The following MAPK14 variants were observed in gnomAD, a reference collection of about 807,000 sequenced individuals.
MAPK14 encodes CSAID-binding protein.
A neutral mutation model predicts 49.6 loss-of-function variants in MAPK14; 16 were observed. The ratio of observed to expected loss-of-function variants is 0.32; its 90% confidence interval spans 0.22 to 0.49. The LOEUF is 0.49. Among genes scored for constraint, MAPK14 ranks in the 20% least tolerant of loss-of-function variants. The pLI is 0.99. For missense variants in MAPK14, 200 were observed against 441.2 expected (o/e 0.45, Z 4.90); for synonymous variants, 142 against 158.0 (o/e 0.90, Z 0.76).
chr6:36,071,922 C>T (rs1041295953), intron 3 of MAPK14, among the ~76,000 whole-genome samples: 4 of 152,048 alleles, frequency 2.6e-5, no homozygotes, highest in Admixed American at 2.6e-4. Context: ...CCAGGCTGAT[C>T]TCACACTCCT....
chr6:36,070,094 C>T (rs1764210140), intron 3 of MAPK14, among the ~76,000 whole-genome samples: 1 of 152,158 alleles, frequency 6.6e-6, no homozygotes. Context: ...CAGAATACTG[C>T]TATGTTCTTG....
chr6:36,075,716 C>T (rs535296694), intron 6 of MAPK14, 132 bp from the exon 7 acceptor site: 2 of 1,176,784 alleles, frequency 1.7e-6, no homozygotes, highest in African/African-American at 3.0e-5. Flanking sequence ...CAGGAAATCT[C>T]TTTATGAAAG....
At chr6:36,095,012 C>T (rs144564487) in intron 8 of MAPK14, among the ~76,000 whole-genome samples, 37 of 152,238 alleles carry the variant, frequency 2.4e-4, no homozygotes, top group African/African-American at 8.7e-4. Context: ...CCTGGAATGT[C>T]AGTCAGTATA....
intron 1 of MAPK14, among the ~76,000 whole-genome samples, chr6:36,052,004 G>A (rs1763418144): frequency 6.6e-6 from 1 of 151,946 alleles, no homozygotes; most frequent in South Asian, 2.1e-4. Context: ...AGCTAAAGTG[G>A]TATAACTCCA....
intron 8 of MAPK14, chr6:36,092,096 G>A: frequency 2.0e-6 from 1 of 507,320 alleles, no homozygotes; most frequent in Non-Finnish European, 3.9e-6. Flanking sequence ...TCAGCTACGA[G>A]AGCATCGAGT....
chr6:36,107,398 C>T lies in MAPK14; in HGVS notation c.842-57C>T. ...TCAAAACTATGTTTGCTCAATAAGG[C>T]ATACTTTTTTGTAACATGTTAAAAA... is the stretch of plus-strand genomic sequence containing the variant. On this transcript the variant is annotated intron_variant, in intron 10 of 11. Transcript: ENST00000229794. The surrounding 1 kb of genome is among the most constrained non-coding windows in gnomAD (Gnocchi z 4.3). The T allele has an allele frequency of 7.9e-7, 1 of 1,260,962 alleles. No individual in the cohort carries two copies. The highest frequency in any genetic ancestry group is 1.1e-6 in the Non-Finnish European group (1 of 921,592). 78.1% of individuals were successfully genotyped at this position (1,260,962 alleles called of 1,614,324 possible).
intron 1 of MAPK14, among the ~76,000 whole-genome samples, chr6:36,050,479 G>C (rs1164014937): frequency 2.0e-5 from 3 of 152,212 alleles, no homozygotes; most frequent in African/African-American, 7.2e-5. Flanking sequence ...GAAGATGGCT[G>C]GGTGTGGTGG....
chr6:36,032,392 G>C (rs1562093808), intron 1 of MAPK14, among the ~76,000 whole-genome samples: 1 of 152,194 alleles, frequency 6.6e-6, no homozygotes, highest in Non-Finnish European at 1.5e-5. Context: ...TTGTCTGTGA[G>C]GGGAAATGAA....
At chr6:36,072,846 G>T (rs755135028) in intron 3 of MAPK14, 27 bp from the exon 4 acceptor site, 3 of 1,227,584 alleles carry the variant, frequency 2.4e-6, no homozygotes, top group East Asian at 4.7e-5. Context: ...GTTCTAGATT[G>T]TTATGTAACT....
intron 8 of MAPK14, among the ~76,000 whole-genome samples, chr6:36,083,339 G>A (rs1046678581): frequency 6.6e-6 from 1 of 152,218 alleles, no homozygotes; most frequent in Non-Finnish European, 1.5e-5. Context: ...TGTGCAACCT[G>A]TGATTCAGGA....
chr6:36,088,000 C>G (rs1243034656), intron 8 of MAPK14, among the ~76,000 whole-genome samples: 1 of 152,178 alleles, frequency 6.6e-6, no homozygotes. Context: ...TGATCTTCAA[C>G]AAACCTGACA....
intron 1 of MAPK14, among the ~76,000 whole-genome samples, chr6:36,043,376 T>C (rs1241207396): frequency 1.3e-5 from 2 of 152,196 alleles, no homozygotes; most frequent in Non-Finnish European, 2.9e-5. Flanking sequence ...GTTTGAAGAA[T>C]ATTTTTTGAG....
intron 9 of MAPK14, among the ~76,000 whole-genome samples, chr6:36,098,242 T>C (rs1471778664): frequency 6.6e-6 from 1 of 152,194 alleles, no homozygotes; most frequent in Non-Finnish European, 1.5e-5. Flanking sequence ...AATGCAGTAA[T>C]GGATTTAGAA....
At chr6:36,040,880 G>C (rs1355996019) in intron 1 of MAPK14, among the ~76,000 whole-genome samples, 1 of 152,172 alleles carries the variant, frequency 6.6e-6, no homozygotes, top group Non-Finnish European at 1.5e-5. Context: ...CACAAAGAGA[G>C]CTGCACATAA....
chr6:36,045,808 CAAA>C (rs371920281), intron 1 of MAPK14, among the ~76,000 whole-genome samples: 546 of 46,344 alleles, frequency 0.012, 3 homozygotes, highest in African/African-American at 0.038. Context: ...GACTCTGTCT[CAAA>C]AAAAAAAAAA....
chr6:36,073,087 C>A, intron 4 of MAPK14, 103 bp downstream of exon 4: 1 of 750,994 alleles, frequency 1.3e-6, no homozygotes, highest in Non-Finnish European at 2.3e-6. Flanking sequence ...ATGGAAAATT[C>A]AAACACATAA....
chr6:36,058,882 C>CT lies in MAPK14; in HGVS notation c.247-391dup, dbSNP rs70975128. ...GTGTGTCAAGAGTGAGATCCTGACTCTTTTTTTTTTTTTTTTGAGACAGAG... is the reference window on the plus strand; with the variant it reads ...GTGTGTCAAGAGTGAGATCCTGACTCTTTTTTTTTTTTTTTTTGAGACAGAG... On this transcript the variant is annotated intron_variant, in intron 2 of 11. Coordinates refer to ENST00000229794, the MANE Select transcript of MAPK14 (RefSeq NM_139012.3). Among the ~76,000 whole-genome samples, 392 of 128,388 alleles carry CT rather than the reference C, an allele frequency of 3.1e-3. 3 individuals are homozygous for CT. The highest frequency in any genetic ancestry group is 3.9e-3 in the Non-Finnish European group (233 of 59,702). The allele number at this position is 128,388 out of a possible 152,430, so 84.2% of individuals were successfully genotyped here.
At chr6:36,092,965 A>T (rs1005682386) in intron 8 of MAPK14, among the ~76,000 whole-genome samples, 12 of 152,230 alleles carry the variant, frequency 7.9e-5, no homozygotes, top group Non-Finnish European at 1.5e-5. Flanking sequence ...TGATTATAAA[A>T]TAAGATGGAG....
intron 3 of MAPK14, among the ~76,000 whole-genome samples, chr6:36,059,838 C>G (rs894823431): frequency 6.6e-6 from 1 of 152,188 alleles, no homozygotes; most frequent in Non-Finnish European, 1.5e-5. Flanking sequence ...TTTAAAGGTG[C>G]TCTTCAAGAA....
Sources: gnomAD v4.1 joint callset for allele counts (sites outside exome capture counted in the v4.1 genomes callset) on GRCh38, gnomAD v4.1.1 for gene constraint, Gnocchi (gnomAD v3.1) non-coding constraint, MANE v1.5 for transcripts, NCBI Gene and HGNC (gene_info 2026-07-23, HGNC 2026-07-21) for gene names.